FREM1: variants seen among roughly 807,000 people sequenced by gnomAD.
FREM1 encodes the protein FRAS1 related extracellular matrix 1, also known as FRAS1-related extracellular matrix protein 1.
A neutral mutation model predicts 210.1 loss-of-function variants in FREM1; 220 were observed. That is an observed-to-expected ratio of 1.05 (90% CI 0.94 to 1.17). The LOEUF is 1.17. Among genes scored for constraint, FREM1 ranks in the 50% most tolerant of loss-of-function variants. FREM1 has a pLI of 0.00. For missense variants in FREM1, 3,454 were observed against 2,675.5 expected, an observed-to-expected ratio of 1.29 and a Z score of -6.42; for synonymous variants, 1,189 against 980.2, an observed-to-expected ratio of 1.21 and a Z score of -3.98.
rs767244961 is a variant in FREM1 at position 14,848,650 on chromosome 9, T to C, written c.1261+15A>G. ...TTCAGGGCTATGTTGCTCTATGCCT[T>C]ATATTGAGCTTTACCTGTATTCCAG... On this transcript the variant is annotated intron_variant, in intron 7 of 36. Coordinates refer to ENST00000380880, the MANE Select transcript of FREM1 (RefSeq NM_001379081.2). The C allele has an allele frequency of 1.4e-6, 2 of 1,466,024 alleles. No individual in the cohort carries two copies. Among genetic ancestry groups the C allele is most frequent in the South Asian group, 1.1e-5 (1 of 87,316 alleles). 90.8% of individuals were successfully genotyped at this position (1,466,024 alleles called of 1,614,324 possible).
In FREM1 at chr9:14,737,297, C is replaced by A. The variant is rs1261061846; in HGVS notation, c.*99G>T. The stretch of plus-strand genomic sequence containing the variant: ...AGACAGAATCACAAAGGTATACCCA[C>A]TCAATCATAACAATTTGTTTTCTAT... On this transcript the variant is annotated 3_prime_UTR_variant, in exon 37 of 37. Transcript: ENST00000380880. 13 of 812,908 alleles carry A rather than the reference C, an allele frequency of 1.6e-5. No individual in the cohort carries two copies. Among genetic ancestry groups the A allele is most frequent in the Non-Finnish European group, 2.5e-5 (13 of 513,998 alleles). The allele number at this position is 812,908 out of a possible 1,614,324, so 50.4% of individuals were successfully genotyped here. A position where few individuals can be genotyped will look rare whatever the true frequency, so the allele number is the denominator to read the frequency against.
chr9:14,896,544 CAAAA>C (rs59464900), intron 1 of FREM1, among the ~76,000 whole-genome samples: 1 of 82,626 alleles, frequency 1.2e-5, no homozygotes, highest in Non-Finnish European at 2.5e-5. Context: ...GACTCCATCT[CAAAA>C]AAAAAAAAAA....
At chr9:14,763,531 T>C (rs1234370150) in intron 27 of FREM1, among the ~76,000 whole-genome samples, 1 of 152,144 alleles carries the variant, frequency 6.6e-6, no homozygotes, top group East Asian at 1.9e-4. Flanking sequence ...AATGTGAAGA[T>C]AAATTCGGAT....
At chr9:14,894,820 T>G (rs1837420687) in intron 1 of FREM1, among the ~76,000 whole-genome samples, 2 of 152,256 alleles carry the variant, frequency 1.3e-5, no homozygotes, top group African/African-American at 4.8e-5. Flanking sequence ...TATAGTTATT[T>G]GCATAAGTGC....
intron 1 of FREM1, among the ~76,000 whole-genome samples, chr9:14,897,343 C>T (rs551012123): frequency 9.9e-5 from 15 of 152,232 alleles, no homozygotes; most frequent in Non-Finnish European, 1.3e-4. Flanking sequence ...TCCCAGAAGA[C>T]AGCTTGGGGA....
chr9:14,791,305 G>A (rs1851270468), intron 22 of FREM1: 1 of 152,130 alleles, frequency 6.6e-6, no homozygotes, highest in South Asian at 2.1e-4. Context: ...GCAAGCTATT[G>A]AGTTAGCAGT....
chr9:14,751,856 C>T (rs1843453270), intron 29 of FREM1: 1 of 151,826 alleles, frequency 6.6e-6, no homozygotes, highest in Non-Finnish European at 1.5e-5. Context: ...TGGCTGGCTG[C>T]ACTTAGAGGG....
chr9:14,772,583 A>G (rs1847778844), intron 25 of FREM1, among the ~76,000 whole-genome samples: 1 of 152,220 alleles, frequency 6.6e-6, no homozygotes, highest in East Asian at 1.9e-4. Context: ...GTAGTTTATG[A>G]ATTATTTACA....
rs528945657 is a variant in FREM1, at chr9:14,803,048, CTCTT to C, written c.3472-1178_3472-1175del. 4.5e-4 allele frequency among the ~76,000 whole-genome samples: 56 copies of C among 124,246 alleles called. No individual in the cohort carries two copies. In the East Asian group the frequency reaches 5.2e-3, roughly 11 times the overall value. 81.5% of individuals were successfully genotyped at this position (124,246 alleles called of 152,430 possible). On this transcript the variant is annotated intron_variant, in intron 19 of 36. Transcript: ENST00000380880. Reference sequence around the variant, plus strand: ...CTTCTTTCTCTTTCTTTTCTTCTTTCTCTTTCTTTTTCTTTTCTTTCTTTCTCTT... The same window carrying C: ...CTTCTTTCTCTTTCTTTTCTTCTTTCTCTTTTTCTTTTCTTTCTTTCTCTT...
intron 10 of FREM1, among the ~76,000 whole-genome samples, chr9:14,828,469 G>A (rs1038304890): frequency 2.6e-5 from 4 of 152,048 alleles, no homozygotes; most frequent in Non-Finnish European, 4.4e-5. Context: ...ATTTGTTTCA[G>A]GATGAACTGT....
intron 3 of FREM1, among the ~76,000 whole-genome samples, chr9:14,861,276 TACATATATACATATATACATATATAC>T (rs1564107914): frequency 1.1e-5 from 1 of 90,052 alleles, no homozygotes; most frequent in East Asian, 5.0e-4. Context: ...TACACATATA[TACATATATACATATATACATATATAC>T]ACATATATAC....
At chr9:14,804,814 A>G (rs1818058933) in intron 19 of FREM1, 142 bp downstream of exon 19, 1 of 576,312 alleles carries the variant, frequency 1.7e-6, no homozygotes, top group East Asian at 2.8e-5. Flanking sequence ...ATAATTTTCA[A>G]ATGATTGCAT....
In FREM1 at chr9:14,801,695, T is replaced by A. The variant is rs746657505; in HGVS notation, c.3651A>T (p.Lys1217Asn). Reference sequence around the variant, plus strand: ...TGGAAAAGCTGTGAACAGGTGCATGTTTCTGGTGAGGGTTGGCTGGCTGCT... The same window carrying A: ...TGGAAAAGCTGTGAACAGGTGCATGATTCTGGTGAGGGTTGGCTGGCTGCT... ...ENKQPANPHQ[K>N]HAPVHSFSME... is the part of the protein sequence containing the mutation. The change falls in exon 20 of 37, where the codon AAA becomes AAT. Residue 1217 changes from lysine to asparagine, a missense_variant. Physicochemically the swap from Lys to Asn is moderately conservative, Grantham distance 94 (BLOSUM62 0). Transcript: ENST00000380880. The A allele has an allele frequency of 4.3e-6, 7 of 1,614,008 alleles. No individual in the cohort carries two copies. Among genetic ancestry groups the A allele is most frequent in the South Asian group, 3.3e-5 (3 of 91,082 alleles).
In FREM1 at chr9:14,819,397, T is replaced by A. The variant is rs1820869075; in HGVS notation, c.2383A>T (p.Ile795Phe). 1.2e-6 allele frequency: 2 copies of A among 1,613,602 alleles called. No homozygotes were observed. The highest frequency in any genetic ancestry group is 2.2e-5 in the South Asian group (2 of 91,036). ...GAAATTAGAATGTGCTCTGTGCTGA[T>A]GATGCTTTGACCTCCCTCAGTCACT... ...LKVTEGGQSI[I>F]STEHILISDA... The change falls in exon 14 of 37, where the codon ATC becomes TTC. Residue 795 changes from isoleucine (I) to phenylalanine (F), a missense_variant. Physicochemically the swap from Ile to Phe is conservative, Grantham distance 21. Transcript: ENST00000380880.
chr9:14,804,692 T>C (rs533556585), intron 19 of FREM1, among the ~76,000 whole-genome samples: 8 of 152,148 alleles, frequency 5.3e-5, no homozygotes, highest in Non-Finnish European at 1.2e-4. Flanking sequence ...TACAAGACAA[T>C]GGAGGTAGGT....
At position 14,746,445 on chromosome 9, in the gene FREM1, T is replaced by G. The variant is rs779455867; in HGVS notation, c.6162A>C (p.Pro2054=). 17 of 1,613,682 alleles carry G rather than the reference T, an allele frequency of 1.1e-5. No individual in the cohort carries two copies. The African/African-American group carries it at 1.7e-4, about 16-fold the overall frequency. Residue 2054 remains proline (P), a synonymous_variant, in exon 35 of 37, where the codon CCA becomes CCC. Transcript: ENST00000380880. ...QTKDVEDKSC[P]AGWHQHSGYC... is the part of the protein sequence containing the mutation. ...AGCCTGAGTGCTGGTGCCACCCGGC[T>G]GGACAGGATTTGTCTTCCACATCCT...
intron 27 of FREM1, among the ~76,000 whole-genome samples, chr9:14,766,511 A>G (rs1386703149): frequency 6.6e-6 from 1 of 152,134 alleles, no homozygotes; most frequent in Non-Finnish European, 1.5e-5. Context: ...ACAAGCACGC[A>G]AGCTAGCTAG....
Position 14,783,101 on chromosome 9 carries a change from C to G in FREM1, c.4442+1269G>C, listed in dbSNP as rs146231103. Among the ~76,000 whole-genome samples the G allele has an allele frequency of 6.6e-5, 10 of 152,294 alleles. No individual in the cohort carries two copies. In the East Asian group the frequency reaches 1.9e-3, roughly 29 times the overall value. ...ATGATTACCTGCTTGTTAAGGGACA[C>G]TTATCAAGAGAAAAAAATAAGATAT... is the stretch of plus-strand genomic sequence containing the variant. On this transcript the variant is annotated intron_variant, in intron 24 of 36. Coordinates refer to ENST00000380880, the MANE Select transcript of FREM1 (RefSeq NM_001379081.2).
At chr9:14,905,445 A>G (rs929464505) in intron 1 of FREM1, among the ~76,000 whole-genome samples, 4 of 152,224 alleles carry the variant, frequency 2.6e-5, no homozygotes, top group Non-Finnish European at 5.9e-5. Flanking sequence ...AAAATGATGC[A>G]TCTCCTTATG....
Sources: gnomAD v4.1 joint callset for allele counts (sites outside exome capture counted in the v4.1 genomes callset) on GRCh38, gnomAD v4.1.1 for gene constraint, MANE v1.5 for transcripts, NCBI Gene and HGNC (gene_info 2026-07-23, HGNC 2026-07-21) for gene names.